CAST: variants seen among roughly 807,000 people sequenced by gnomAD.
CAST encodes calpastatin.
Under a neutral mutation model 119.6 loss-of-function variants are expected in CAST, and 76 were observed. The observed-to-expected ratio is 0.64, with a 90% confidence interval of 0.53 to 0.77. CAST has a LOEUF of 0.77. CAST is among the 30% of genes least tolerant of loss of function. The probability of loss-of-function intolerance (pLI) is 0.00; values close to 1 mark genes in which losing one functional copy is unlikely to be tolerated. For missense variants in CAST, 953 were observed against 946.5 expected, an observed-to-expected ratio of 1.01 and a Z score of -0.09; for synonymous variants, 319 against 331.6, an observed-to-expected ratio of 0.96 and a Z score of 0.41.
chr5:95,963,723 C>CTTTTTTTT, the CAST span, among the ~76,000 whole-genome samples: 16 of 138,560 alleles, frequency 1.2e-4, no homozygotes, highest in Non-Finnish European at 1.5e-4. Flanking sequence ...TTTTCTCTCT[C>CTTTTTTTT]TCTTTTTTTT....
chr5:96,195,443 T>A, the CAST span, among the ~76,000 whole-genome samples: 15 of 152,216 alleles, frequency 9.9e-5, no homozygotes, highest in African/African-American at 2.4e-5. Flanking sequence ...GAAATTCTGT[T>A]AAGTTGTCTG....
chr5:96,529,719 C>A, upstream of CAST: 1 of 355,736 alleles, frequency 2.8e-6, no homozygotes, highest in Non-Finnish European at 5.6e-6. Flanking sequence ...TTCCCCCATC[C>A]TGTGATATCC....
intron 1 of CAST, among the ~76,000 whole-genome samples, chr5:96,595,823 A>C (rs368883373): frequency 3.3e-5 from 5 of 152,372 alleles, no homozygotes; most frequent in South Asian, 4.1e-4. Context: ...AAAATTCAAC[A>C]TAACATATTA....
In CAST at chr5:96,536,215, C is replaced by T. The variant is rs567354648; in HGVS notation, c.60+6335C>T. On this transcript the variant is annotated intron_variant, in intron 1 of 11. Coordinates refer to the CAST transcript ENST00000505143. The stretch of plus-strand genomic sequence containing the variant: ...TCTGCTAAAAATACAAAAAATTAGC[C>T]AGGCGTGGTGAGAGACGCCTGTAAT... Among the ~76,000 whole-genome samples the T allele has an allele frequency of 3.3e-5, 5 of 151,746 alleles. No individual in the cohort carries two copies. In the South Asian group the frequency reaches 1.0e-3, roughly 32 times the overall value.
chr5:96,762,005 TAAAC>T lies in CAST; in HGVS notation c.1834-264_1834-261del, dbSNP rs534460427. On this transcript the variant is annotated intron_variant, in intron 24 of 31. Coordinates refer to ENST00000675179, the MANE Select transcript of CAST (RefSeq NM_001750.7). ...ACCTAAATGTACAACAGGAAATGTG[TAAAC>T]AAACCGTGGAACTCTAAGTTATATT... 2.8e-4 allele frequency: 75 copies of T among 264,012 alleles called. 1 individual carries two copies. In the South Asian group the frequency reaches 8.6e-3, roughly 30 times the overall value. 16.4% of individuals were successfully genotyped at this position (264,012 alleles called of 1,614,324 possible). A position where few individuals can be genotyped will look rare whatever the true frequency, so the allele number is the denominator to read the frequency against.
At chr5:96,464,247 T>C in the CAST span, among the ~76,000 whole-genome samples, 1 of 152,084 alleles carries the variant, frequency 6.6e-6, no homozygotes, top group Non-Finnish European at 1.5e-5. Context: ...AAAAAACTTA[T>C]CTTCCTTTTG....
the CAST span, among the ~76,000 whole-genome samples, chr5:96,163,117 A>T: frequency 1.3e-5 from 2 of 151,958 alleles, no homozygotes; most frequent in Non-Finnish European, 2.9e-5. Flanking sequence ...CAGTTTTGTT[A>T]GTTTCTGTTT....
the CAST span, among the ~76,000 whole-genome samples, chr5:96,506,647 TCTCCTCCCACTATGAGGAGGTCTC>T: frequency 4.1e-4 from 45 of 108,720 alleles, no homozygotes; most frequent in African/African-American, 1.1e-3. Context: ...TGGAGAGGCT[TCTCCTCCCACTATGAGGAGGTCTC>T]CTCCTCCCAC....
chr5:96,355,577 G>T, the CAST span, among the ~76,000 whole-genome samples: 1 of 152,042 alleles, frequency 6.6e-6, no homozygotes, highest in Non-Finnish European at 1.5e-5. Context: ...TGGGATTTCT[G>T]GTTCTAGATC....
At chr5:96,372,431 C>T in the CAST span, among the ~76,000 whole-genome samples, 2 of 152,024 alleles carry the variant, frequency 1.3e-5, no homozygotes, top group South Asian at 4.2e-4. Flanking sequence ...TGGTTGCCCT[C>T]GGAAGACATG....
intron 1 of CAST, among the ~76,000 whole-genome samples, chr5:96,598,043 C>T (rs766244585): frequency 2.6e-5 from 4 of 152,162 alleles, no homozygotes; most frequent in Admixed American, 1.3e-4. Context: ...TACACACTCC[C>T]GAAGGTCCTG....
At chr5:96,496,907 C>A in the CAST span, among the ~76,000 whole-genome samples, 2 of 151,794 alleles carry the variant, frequency 1.3e-5, no homozygotes, top group Non-Finnish European at 2.9e-5. Context: ...ATGTGCACGA[C>A]GTGCAGGTTA....
the CAST span, among the ~76,000 whole-genome samples, chr5:96,107,391 CT>C: frequency 6.6e-6 from 1 of 151,968 alleles, no homozygotes; most frequent in Non-Finnish European, 1.5e-5. Context: ...TTAGCACTTC[CT>C]TCAGGAGCTC....
At chr5:96,340,421 T>A in the CAST span, among the ~76,000 whole-genome samples, 1 of 152,090 alleles carries the variant, frequency 6.6e-6, no homozygotes, top group Admixed American at 6.6e-5. Flanking sequence ...TTGCTTTGGC[T>A]GATTCAATTT....
chr5:96,116,620 C>G, the CAST span, among the ~76,000 whole-genome samples: 100,537 of 152,032 alleles, frequency 0.66, 33,744 homozygotes, highest in African/African-American at 0.75. Context: ...TAGATGTTTA[C>G]TGGTCGTTCT....
chr5:96,249,920 C>T, the CAST span, among the ~76,000 whole-genome samples: 808 of 152,248 alleles, frequency 5.3e-3, 9 homozygotes, highest in African/African-American at 0.019. Flanking sequence ...TAGCAACCTA[C>T]CCATGAGAAG....
At chr5:96,039,783 GTA>G in the CAST span, among the ~76,000 whole-genome samples, 1 of 152,176 alleles carries the variant, frequency 6.6e-6, no homozygotes, top group African/African-American at 2.4e-5. Flanking sequence ...TAGTCTTGTA[GTA>G]TAGTTTGAAG....
the CAST span, among the ~76,000 whole-genome samples, chr5:96,336,509 A>G: frequency 6.6e-5 from 10 of 152,330 alleles, no homozygotes; most frequent in East Asian, 1.9e-3. Context: ...TATGCCAAAC[A>G]TTTTAGATTT....
chr5:96,444,608 A>G, the CAST span, among the ~76,000 whole-genome samples: 2 of 152,034 alleles, frequency 1.3e-5, no homozygotes, highest in East Asian at 3.9e-4. Flanking sequence ...TCTCCATCAT[A>G]TTGTTAATTT....
Sources: allele counts gnomAD v4.1 joint callset (sites outside exome capture counted in the v4.1 genomes callset), GRCh38; gene constraint gnomAD v4.1.1; transcripts MANE v1.5; gene names NCBI Gene and HGNC (gene_info 2026-07-23, HGNC 2026-07-21).